The following PLEKHA2 variants were observed in gnomAD, a reference collection of about 807,000 sequenced individuals.
PLEKHA2 encodes pleckstrin homology domain containing A2.
In PLEKHA2, 28 loss-of-function variants were observed where a neutral mutation model predicts 53.2. The observed-to-expected ratio is 0.53, with a 90% CI of 0.39 to 0.72. The LOEUF is 0.72. PLEKHA2 is among the 30% of genes least tolerant of loss of function. The pLI is 0.00. For synonymous variants in PLEKHA2, 193 were observed against 196.4 expected (o/e 0.98, Z 0.14); for missense variants, 426 against 537.9 (o/e 0.79, Z 2.06).
At chr8:38,926,513 G>T (rs1012565925) in intron 2 of PLEKHA2, among the ~76,000 whole-genome samples, 23 of 151,758 alleles carry the variant, frequency 1.5e-4, no homozygotes, top group African/African-American at 5.3e-4. Flanking sequence ...TTATATGTGG[G>T]CTTTTTGAGA....
chr8:38,951,344 A>T (rs989965161), intron 6 of PLEKHA2, among the ~76,000 whole-genome samples: 1 of 152,012 alleles, frequency 6.6e-6, no homozygotes, highest in East Asian at 1.9e-4. Context: ...CACATTCCCT[A>T]TCCTTCCCTT....
intron 1 of PLEKHA2, among the ~76,000 whole-genome samples, chr8:38,905,341 C>T (rs1475452260): frequency 4.6e-5 from 7 of 151,856 alleles, no homozygotes; most frequent in African/African-American, 7.3e-5. Context: ...GCCTGTAGTC[C>T]CAGCTACTCG....
chr8:38,936,097 C>G (rs1263115850), intron 3 of PLEKHA2, 47 bp downstream of exon 3: 9 of 1,585,828 alleles, frequency 5.7e-6, no homozygotes, highest in Non-Finnish European at 7.8e-6. Context: ...GTAAGTCGAT[C>G]TGGTTTCTAA....
intron 3 of PLEKHA2, among the ~76,000 whole-genome samples, chr8:38,942,302 G>T (rs1029451229): frequency 3.3e-5 from 5 of 152,132 alleles, no homozygotes; most frequent in Non-Finnish European, 7.3e-5. Context: ...ACTCAGGAGG[G>T]TGAGGTGGAA....
At chr8:38,903,875 T>C (rs2152362928) in intron 1 of PLEKHA2, among the ~76,000 whole-genome samples, 1 of 152,286 alleles carries the variant, frequency 6.6e-6, no homozygotes, top group Admixed American at 6.5e-5. Flanking sequence ...GGACGTTGGG[T>C]TGCTCTGCCC....
At chr8:38,932,337 T>C (rs1834409325) in intron 2 of PLEKHA2, among the ~76,000 whole-genome samples, 2 of 152,200 alleles carry the variant, frequency 1.3e-5, no homozygotes, top group African/African-American at 2.4e-5. Flanking sequence ...GAGATTCTGG[T>C]GTGCACCAAA....
chr8:38,953,365 T>C lies in PLEKHA2; in HGVS notation c.771T>C (p.Ser257=). The change falls in exon 9 of 12, where the codon TCT becomes TCC. Residue 257 remains serine (S), a splice_region_variant and synonymous_variant. Coordinates refer to ENST00000617275, the MANE Select transcript of PLEKHA2 (RefSeq NM_021623.2). ...AGACCCATGAATGTCTGGTCAAGTC[T>C]GGGTAATTGTGTCTGCTTTTTCTCT... ...VLKTHECLVK[S]GDLLMRDNLF... is the part of the protein sequence containing the mutation. 6.2e-7 allele frequency: 1 copy of C among 1,607,344 alleles called. No individual in the cohort carries two copies. The highest frequency in any genetic ancestry group is 8.5e-7 in the Non-Finnish European group (1 of 1,173,844).
At chr8:38,934,649 G>A (rs1008741816) in intron 2 of PLEKHA2, among the ~76,000 whole-genome samples, 5 of 152,100 alleles carry the variant, frequency 3.3e-5, no homozygotes, top group Admixed American at 3.3e-4. Context: ...CCCTGCCAGT[G>A]GGGACATTAG....
At chr8:38,917,136 C>A (rs1246908598) in intron 1 of PLEKHA2, among the ~76,000 whole-genome samples, 1 of 151,976 alleles carries the variant, frequency 6.6e-6, no homozygotes, top group Non-Finnish European at 1.5e-5. Context: ...ATTTTTTTTC[C>A]TATAAAGTTG....
chr8:38,905,964 G>A (rs1335152589), intron 1 of PLEKHA2, among the ~76,000 whole-genome samples: 7 of 152,194 alleles, frequency 4.6e-5, no homozygotes, highest in African/African-American at 1.4e-4. Flanking sequence ...GATTTCAGGC[G>A]TGAGCCACTG....
chr8:38,938,139 C>A, intron 3 of PLEKHA2, among the ~76,000 whole-genome samples: 1 of 152,228 alleles, frequency 6.6e-6, no homozygotes, highest in East Asian at 1.9e-4. Context: ...CGCTGTCCCA[C>A]CCCCAGCTGT....
In PLEKHA2 at chr8:38,969,776, A is replaced by G. The variant is rs1466294708; in HGVS notation, c.1271A>G (p.Asp424Gly). 1.6e-5 allele frequency: 10 copies of G among 611,312 alleles called. No homozygotes were observed. Among genetic ancestry groups the G allele is most frequent in the Non-Finnish European group, 8.3e-6 (3 of 362,784 alleles). 37.9% of individuals were successfully genotyped at this position (611,312 alleles called of 1,614,324 possible). A position where few individuals can be genotyped will look rare whatever the true frequency, so the allele number is the denominator to read the frequency against. ...GATGATGAAAACATACGGACCTCTG[A>G]TGTGTGATGGAGCACAGTGCCATGG... is the stretch of plus-strand genomic sequence containing the variant. ...NLDDENIRTS[D>G]V Residue 424 changes from aspartate to glycine, a missense_variant, in exon 12 of 12, where the codon GAT becomes GGT. Transcript: ENST00000617275.
At chr8:38,967,751 T>C (rs966173629) in intron 10 of PLEKHA2, among the ~76,000 whole-genome samples, 1 of 147,758 alleles carries the variant, frequency 6.8e-6, no homozygotes, top group Non-Finnish European at 1.5e-5. Flanking sequence ...AACCTCTGCC[T>C]CCTGGGTTCA....
intron 5 of PLEKHA2, among the ~76,000 whole-genome samples, chr8:38,948,104 A>AG (rs71216699): frequency 6.6e-6 from 1 of 150,426 alleles, no homozygotes; most frequent in East Asian, 1.9e-4. Flanking sequence ...AAAAAAAAAA[A>AG]TTGTTATTTC....
At chr8:38,945,253 G>A (rs1000507246) in intron 4 of PLEKHA2, among the ~76,000 whole-genome samples, 1 of 152,168 alleles carries the variant, frequency 6.6e-6, no homozygotes, top group Admixed American at 6.5e-5. Context: ...CACAAAGGCA[G>A]GGGTATTCCT....
At chr8:38,907,755 T>C (rs1404732980) in intron 1 of PLEKHA2, among the ~76,000 whole-genome samples, 7 of 43,570 alleles carry the variant, frequency 1.6e-4, no homozygotes, top group African/African-American at 4.9e-4. Flanking sequence ...AGTGAGACCA[T>C]ATCTCAAAAA....
intron 9 of PLEKHA2, among the ~76,000 whole-genome samples, chr8:38,956,999 A>G (rs1233647951): frequency 2.0e-5 from 3 of 152,124 alleles, no homozygotes; most frequent in African/African-American, 7.2e-5. Flanking sequence ...GCAGGAAGGA[A>G]GGAAACTGTA....
At chr8:38,914,936 T>G (rs944937788) in intron 1 of PLEKHA2, among the ~76,000 whole-genome samples, 1 of 139,688 alleles carries the variant, frequency 7.2e-6, no homozygotes, top group Non-Finnish European at 1.6e-5. Flanking sequence ...CTTCTCCTTT[T>G]TCTTCTTTCT....
At chr8:38,936,307 T>G (rs776133011) in intron 3 of PLEKHA2, among the ~76,000 whole-genome samples, 1 of 152,136 alleles carries the variant, frequency 6.6e-6, no homozygotes, top group African/African-American at 2.4e-5. Flanking sequence ...TGCTCCCAGC[T>G]CCTGCGCAGG....
Sources: allele counts gnomAD v4.1 joint callset (sites outside exome capture counted in the v4.1 genomes callset), GRCh38; gene constraint gnomAD v4.1.1; transcripts MANE v1.5; gene names NCBI Gene and HGNC (gene_info 2026-07-23, HGNC 2026-07-21).